Variants in KRT1 observed in about 807,000 individuals in gnomAD.
KRT1 encodes keratin, type II cytoskeletal 1.
A neutral mutation model predicts 51.6 loss-of-function variants in KRT1; 28 were observed. The observed-to-expected ratio is 0.54, with a 90% CI of 0.40 to 0.74. KRT1 has a LOEUF of 0.74. KRT1 is among the 30% of genes least tolerant of loss of function. The pLI, the probability that KRT1 is intolerant of heterozygous loss-of-function variation, is 0.00. For missense variants in KRT1, 783 were observed against 815.5 expected (o/e 0.96, Z 0.49); for synonymous variants, 301 against 307.7 (o/e 0.98, Z 0.23).
rs137978741 is a variant in KRT1 at position 52,677,077 on chromosome 12, G to A, written c.1236C>T (p.Ile412=). 6.3e-5 allele frequency: 102 copies of A among 1,613,612 alleles called. No homozygotes were observed. Among genetic ancestry groups the A allele is most frequent in the African/African-American group, 5.3e-4 (40 of 75,064 alleles). The change falls in exon 6 of 9, where the codon ATC becomes ATT. Residue 412 remains isoleucine, a synonymous_variant. Transcript: ENST00000252244. ...NRVIQRLRSE[I]DNVKKQISNL... is the part of the protein sequence containing the mutation. The stretch of plus-strand genomic sequence containing the variant: ...CACATACCTGCTTCTTGACATTGTC[G>A]ATTTCAGATCTAAGTCTCTGGATCA...
chr12:52,676,563 T>G, intron 6 of KRT1, 68 bp from the exon 7 acceptor site: 81 of 1,473,638 alleles, frequency 5.5e-5, no homozygotes, highest in Non-Finnish European at 7.2e-5. Flanking sequence ...CCAATTGGTC[T>G]CCCCACTCCA....
Position 52,680,294 on chromosome 12 carries a change from A to G in KRT1, c.55T>C (p.Ser19Pro). The G allele has an allele frequency of 6.2e-7, 1 of 1,614,164 alleles. No individual in the cohort carries two copies. Among genetic ancestry groups the G allele is most frequent in the Non-Finnish European group, 8.5e-7 (1 of 1,180,018 alleles). The change falls in exon 1 of 9, where the codon TCT becomes CCT. Residue 19 changes from serine (S) to proline (P), a missense_variant. Ser to Pro is a moderately conservative substitution (Grantham distance 74). Coordinates refer to ENST00000252244, the MANE Select transcript of KRT1 (RefSeq NM_006121.4). Reference sequence around the variant, plus strand: ...TAGTTGATGATCCCAGCAGAGCCAGAGCTGAAGCCCCCTCCACTTCGGTAC... The same window carrying G: ...TAGTTGATGATCCCAGCAGAGCCAGGGCTGAAGCCCCCTCCACTTCGGTAC... ...SGYRSGGGFS[S>P]GSAGIINYQR...
In KRT1 at chr12:52,680,383, A is replaced by G. The variant is rs754206965; in HGVS notation, c.-35T>C. 7 of 1,586,850 alleles carry G rather than the reference A, an allele frequency of 4.4e-6. No individual in the cohort carries two copies. Among genetic ancestry groups the G allele is most frequent in the Non-Finnish European group, 6.0e-6 (7 of 1,157,396 alleles). Reference sequence around the variant, plus strand: ...GAGAAAAGTAGGAGCAAGGTAGAGTAAGGGAAGGAGCTAAACACTCCTCTA... The same window carrying G: ...GAGAAAAGTAGGAGCAAGGTAGAGTGAGGGAAGGAGCTAAACACTCCTCTA... On this transcript the variant is annotated 5_prime_UTR_variant, in exon 1 of 9. Coordinates refer to ENST00000252244, the MANE Select transcript of KRT1 (RefSeq NM_006121.4).
At position 52,680,380 on chromosome 12, in the gene KRT1, A is replaced by T. The variant is rs1941568634; in HGVS notation, c.-32T>A. ...TTAGAGAAAAGTAGGAGCAAGGTAG[A>T]GTAAGGGAAGGAGCTAAACACTCCT... On this transcript the variant is annotated 5_prime_UTR_variant, in exon 1 of 9. Coordinates refer to ENST00000252244, the MANE Select transcript of KRT1 (RefSeq NM_006121.4). 1.3e-6 allele frequency: 2 copies of T among 1,591,872 alleles called. No homozygotes were observed. Among genetic ancestry groups the T allele is most frequent in the South Asian group, 2.2e-5 (2 of 90,686 alleles).
Position 52,676,456 on chromosome 12 carries a change from G to C in KRT1, c.1294C>G (p.Arg432Gly). The change falls in exon 7 of 9, where the codon CGT becomes GGT. Residue 432 changes from arginine (R) to glycine (G), a missense_variant. By Grantham distance (125) the Arg-to-Gly change is moderately radical. Transcript: ENST00000252244. ...GCATCCTTGAGGGCATTCTCGCCAC[G>C]CTGCTCTGCATCACTGATGGACTGC... is the stretch of plus-strand genomic sequence containing the variant. Reference protein sequence around the residue: ...LQQSISDAEQRGENALKDAKN... With the variant: ...LQQSISDAEQGGENALKDAKN... 6.2e-7 allele frequency: 1 copy of C among 1,614,174 alleles called. No individual in the cohort carries two copies. The highest frequency in any genetic ancestry group is 8.5e-7 in the Non-Finnish European group (1 of 1,180,032).
intron 3 of KRT1, 99 bp from the exon 4 acceptor site, chr12:52,677,844 G>A (rs1456900270): frequency 4.9e-6 from 5 of 1,029,022 alleles, no homozygotes; most frequent in Non-Finnish European, 7.6e-6. Flanking sequence ...GGAGCTTTGG[G>A]TCTACTCCAC....
At position 52,675,405 on chromosome 12, in the gene KRT1, G is replaced by A. The variant is rs1941484720; in HGVS notation, c.1723C>T (p.His575Tyr). The change falls in exon 9 of 9, where the codon CAT (histidine) becomes TAT (tyrosine). Residue 575 changes from histidine to tyrosine, a missense_variant. His to Tyr is a moderately conservative substitution (Grantham distance 83). Transcript: ENST00000252244. ...CTGCTTCCGGAGCCGTAGCTGCCAT[G>A]GCCGCCGCCGCCACCTCCAGAGCCA... ...SYGSGGGGGG[H>Y]GSYGSGSSSG... 6.5e-7 allele frequency: 1 copy of A among 1,544,524 alleles called. No homozygotes were observed. Among genetic ancestry groups the A allele is most frequent in the South Asian group, 1.1e-5 (1 of 87,728 alleles).
chr12:52,677,781 C>T, intron 3 of KRT1, 36 bp from the exon 4 acceptor site: 1 of 1,564,932 alleles, frequency 6.4e-7, no homozygotes, highest in South Asian at 1.1e-5. Context: ...GGCACATTCT[C>T]TCCAGGGCAG....
At position 52,675,156 on chromosome 12, in the gene KRT1, G is replaced by A. The variant is rs1340311793; in HGVS notation, c.*37C>T. On this transcript the variant is annotated 3_prime_UTR_variant, in exon 9 of 9. Coordinates refer to ENST00000252244, the MANE Select transcript of KRT1 (RefSeq NM_006121.4). ...CCAAGCATATTTGTTAGTGATGCTG[G>A]GGGAGAACTAGAGCTAATGAAACAG... The A allele has an allele frequency of 6.2e-7, 1 of 1,610,838 alleles. No individual in the cohort carries two copies. Among genetic ancestry groups the A allele is most frequent in the East Asian group, 2.2e-5 (1 of 44,876 alleles).
chr12:52,678,432 C>G (rs555530866), intron 2 of KRT1, 110 bp downstream of exon 2: 2 of 1,188,558 alleles, frequency 1.7e-6, no homozygotes, highest in Non-Finnish European at 2.5e-6. Flanking sequence ...ACTGATGTGC[C>G]TCTAACCTAA....
chr12:52,679,648 T>C, intron 1 of KRT1, 110 bp downstream of exon 1: 1 of 980,960 alleles, frequency 1.0e-6, no homozygotes, highest in Non-Finnish European at 1.6e-6. Flanking sequence ...AAAACATCCT[T>C]TTAATCATGT....
intron 6 of KRT1, 134 bp from the exon 7 acceptor site, chr12:52,676,629 A>C (rs1592264949): frequency 1.2e-6 from 1 of 815,972 alleles, no homozygotes; most frequent in South Asian, 1.5e-5. Flanking sequence ...TCTCACACCC[A>C]CCTCCAGATA....
chr12:52,678,733 G>T lies in KRT1; in HGVS notation c.615C>A (p.Asn205Lys). The change falls in exon 2 of 9, where the codon AAC (asparagine) becomes AAA (lysine). Residue 205 changes from asparagine to lysine, a missense_variant. Physicochemically the swap from Asn to Lys is moderately conservative, Grantham distance 94. Transcript: ENST00000252244. ...GCTCCCATTTTGTTTGCAGTACCTGGTTCTGCTGCTCCAGGAACCTCACCT... is the reference window on the plus strand; with the variant it reads ...GCTCCCATTTTGTTTGCAGTACCTGTTTCTGCTGCTCCAGGAACCTCACCT... ...IDKVRFLEQQNQVLQTKWELL... is the reference protein window; with the variant it reads ...IDKVRFLEQQKQVLQTKWELL... The T allele has an allele frequency of 6.2e-7, 1 of 1,614,128 alleles. No homozygotes were observed. The highest frequency in any genetic ancestry group is 8.5e-7 in the Non-Finnish European group (1 of 1,180,026).
In KRT1 at chr12:52,677,444, T is replaced by G. The variant is rs1313008334; in HGVS notation, c.1000A>C (p.Asn334His). ...TTGTTGTCCATAGAGAGGATGACATTAGTTTCACTGATTTGAGTCTGCATC... is the reference window on the plus strand; with the variant it reads ...TTGTTGTCCATAGAGAGGATGACATGAGTTTCACTGATTTGAGTCTGCATC... ...SQMQTQISET[N>H]VILSMDNNRS... is the part of the protein sequence containing the mutation. The change falls in exon 5 of 9, where the codon AAT becomes CAT. Residue 334 changes from asparagine to histidine, a missense_variant. Asn to His is a moderately conservative substitution (Grantham distance 68). Transcript: ENST00000252244. 2 of 1,614,234 alleles carry G rather than the reference T, an allele frequency of 1.2e-6. No individual in the cohort carries two copies. The highest frequency in any genetic ancestry group is 1.7e-6 in the Non-Finnish European group (2 of 1,180,048).
Position 52,675,430 on chromosome 12 carries a change from A to G in KRT1, c.1698T>C (p.Tyr566=). 1 of 1,475,154 alleles carries G rather than the reference A, an allele frequency of 6.8e-7. No homozygotes were observed. The highest frequency in any genetic ancestry group is 1.2e-5 in the South Asian group (1 of 82,278). The allele number at this position is 1,475,154 out of a possible 1,614,324, so 91.4% of individuals were successfully genotyped here. A position where few individuals can be genotyped will look rare whatever the true frequency, so the allele number is the denominator to read the frequency against. The change falls in exon 9 of 9, where the codon TAT becomes TAC. Residue 566 remains tyrosine, a synonymous_variant. Transcript: ENST00000252244. ...GGCCGCCGCCGCCACCTCCAGAGCC[A>G]TAGCTGCCACCTCCGGAGCCGTAGC... The part of the protein sequence containing the change: ...GSSYGSGGGS[Y]GSGGGGGGHG...
chr12:52,679,082 T>C (rs1304185416), intron 1 of KRT1, among the ~76,000 whole-genome samples: 2 of 152,146 alleles, frequency 1.3e-5, no homozygotes, highest in African/African-American at 4.8e-5. Context: ...CTGGTTTGCA[T>C]CCCCAGGACA....
At chr12:52,675,818 A>G in intron 7 of KRT1, 74 bp from the exon 8 acceptor site, 1 of 1,542,614 alleles carries the variant, frequency 6.5e-7, no homozygotes, top group Non-Finnish European at 8.9e-7. Flanking sequence ...CCGCTCCACC[A>G]CCTTGAAGAC....
chr12:52,675,249 C>A lies in KRT1; in HGVS notation c.1879G>T (p.Gly627Cys). Residue 627 changes from glycine to cysteine, a missense_variant, in exon 9 of 9, where the codon GGT (glycine) becomes TGT (cysteine). Transcript: ENST00000252244. Reference sequence around the variant, plus strand: ...ACAAACTTCACGCTGGAACTGCCACCAGAGGACTTGACACCCCCAGAGCTG... The same window carrying A: ...ACAAACTTCACGCTGGAACTGCCACAAGAGGACTTGACACCCCCAGAGCTG... The part of the protein sequence containing the change: ...GSSSGGVKSS[G>C]GSSSVKFVST... The A allele has an allele frequency of 6.2e-7, 1 of 1,613,960 alleles. No homozygotes were observed. Among genetic ancestry groups the A allele is most frequent in the Non-Finnish European group, 8.5e-7 (1 of 1,180,020 alleles).
At position 52,675,328 on chromosome 12, in the gene KRT1, G is replaced by A. The variant is rs758984107; in HGVS notation, c.1800C>T (p.Gly600=). Residue 600 remains glycine (G), a synonymous_variant, in exon 9 of 9, where the codon GGC becomes GGT. Coordinates refer to ENST00000252244, the MANE Select transcript of KRT1 (RefSeq NM_006121.4). ...AGCTCCCGCCGCCAGAGCCCCGGCC[G>A]CCAGAGCTGCCGCCGCCGCCGCCTC... is the stretch of plus-strand genomic sequence containing the variant. ...GSGGGGGGSS[G]GRGSGGGSSG... 8 of 1,611,162 alleles carry A rather than the reference G, an allele frequency of 5.0e-6. No individual in the cohort carries two copies. Among genetic ancestry groups the A allele is most frequent in the African/African-American group, 4.0e-5 (3 of 74,944 alleles).
Sources: allele counts gnomAD v4.1 joint callset (sites outside exome capture counted in the v4.1 genomes callset), GRCh38; gene constraint gnomAD v4.1.1; transcripts MANE v1.5; gene names NCBI Gene and HGNC (gene_info 2026-07-23, HGNC 2026-07-21).